The following PWWP3A variants were observed in gnomAD, a reference collection of about 807,000 sequenced individuals.
PWWP3A encodes the protein PWWP domain containing 3A, DNA repair factor.
A neutral mutation model predicts 79.0 loss-of-function variants in PWWP3A; 53 were observed. The ratio of observed to expected loss-of-function variants is 0.67; its 90% CI spans 0.54 to 0.84. The LOEUF (loss-of-function observed/expected upper bound fraction) is 0.84, where lower values mean the gene tolerates loss of function less well. Ranked by LOEUF, PWWP3A falls within the 40% of genes least tolerant of loss-of-function variation. The probability of loss-of-function intolerance (pLI) is 0.00; values close to 1 mark genes in which losing one functional copy is unlikely to be tolerated. For missense variants in PWWP3A, 973 were observed against 948.0 expected (o/e 1.03, Z -0.35); for synonymous variants, 443 against 394.4 (o/e 1.12, Z -1.46).
chr19:1,376,431 G>T, intron 13 of PWWP3A, 88 bp from the exon 14 acceptor site: 2 of 1,349,350 alleles, frequency 1.5e-6, no homozygotes, highest in Admixed American at 3.6e-5. Context: ...TGGGATTACA[G>T]GCGTGAGCGA....
rs1171035958 is a variant in PWWP3A, at chr19:1,370,710, A to T, written c.1618A>T (p.Ser540Cys). ...GTKLPQLSKG[S>C]PEEPVVGCPL... ...CAAGCTTCCTCAACTGAGCAAGGGG[A>T]GCCCCGAGGAGCCCGTGGTGGGGTG... The change falls in exon 12 of 14, where the codon AGC (serine) becomes TGC (cysteine). Residue 540 changes from serine to cysteine, a missense_variant. Coordinates refer to ENST00000591337, the MANE Select transcript of PWWP3A (RefSeq NM_001369789.1). 2 of 1,460,872 alleles carry T rather than the reference A, an allele frequency of 1.4e-6. No individual in the cohort carries two copies. Among genetic ancestry groups the T allele is most frequent in the Non-Finnish European group, 1.8e-6 (2 of 1,104,812 alleles). The allele number at this position is 1,460,872 out of a possible 1,614,324, so 90.5% of individuals were successfully genotyped here. A position where few individuals can be genotyped will look rare whatever the true frequency, so the allele number is the denominator to read the frequency against.
chr19:1,373,227 C>T, intron 13 of PWWP3A, 67 bp downstream of exon 13: 1 of 1,442,516 alleles, frequency 6.9e-7, no homozygotes, highest in Non-Finnish European at 9.6e-7. Flanking sequence ...TTTCCACACC[C>T]ACAGGCAGTT....
In PWWP3A at chr19:1,360,944, C is replaced by T; in HGVS notation, c.1023C>T (p.Ser341=). 2 of 1,499,534 alleles carry T rather than the reference C, an allele frequency of 1.3e-6. No individual in the cohort carries two copies. Among genetic ancestry groups the T allele is most frequent in the South Asian group, 1.3e-5 (1 of 76,720 alleles). The allele number at this position is 1,499,534 out of a possible 1,614,324, so 92.9% of individuals were successfully genotyped here. A position where few individuals can be genotyped will look rare whatever the true frequency, so the allele number is the denominator to read the frequency against. The change falls in exon 5 of 14, where the codon AGC becomes AGT. Residue 341 remains serine (S), a synonymous_variant. Transcript: ENST00000591337. This position sits in a 1 kb window ranked among gnomAD's most constrained non-coding sequence, Gnocchi z 4.4. ...CCAGAGAGTCTGTGACCCCGCGCAG[C>T]ACCGCCAGGCTGGGCCCGCCTCCCT... ...PGPRESVTPR[S]TARLGPPPSH...
intron 7 of PWWP3A, among the ~76,000 whole-genome samples, chr19:1,365,514 G>C (rs1441730560): frequency 6.6e-6 from 1 of 152,282 alleles, no homozygotes; most frequent in African/African-American, 2.4e-5. Context: ...GCATGTGACT[G>C]ATTGTGGTTC....
At chr19:1,364,387 C>A in intron 6 of PWWP3A, 122 bp from the exon 7 acceptor site, 1 of 731,584 alleles carries the variant, frequency 1.4e-6, no homozygotes, top group Non-Finnish European at 2.3e-6. Context: ...GCGAATGACA[C>A]AAAGTCAGGT....
intron 7 of PWWP3A, among the ~76,000 whole-genome samples, chr19:1,365,267 C>T (rs1480207559): frequency 3.3e-5 from 5 of 152,234 alleles, no homozygotes; most frequent in African/African-American, 1.2e-4. Context: ...GTCCAAGTTC[C>T]CGGTGTGGGT....
intron 13 of PWWP3A, among the ~76,000 whole-genome samples, chr19:1,376,184 G>T (rs4459670): frequency 0.4 from 58,550 of 146,558 alleles, 12,624 homozygotes; most frequent in Middle Eastern, 0.54. Context: ...GGAGTACAAT[G>T]GCATGATCTT....
chr19:1,375,324 G>A (rs2668436), intron 13 of PWWP3A, among the ~76,000 whole-genome samples: 3 of 148,350 alleles, frequency 2.0e-5, no homozygotes, highest in Non-Finnish European at 3.0e-5. Flanking sequence ...CTATGCAGCC[G>A]GTACTGCTGC....
rs73920440 is a variant in PWWP3A, at chr19:1,357,655, G to A, written c.143+561G>A. 681 of 152,130 alleles carry A rather than the reference G, an allele frequency of 4.5e-3. 2 individuals are homozygous for A. The highest frequency in any genetic ancestry group is 0.015 in the African/African-American group (623 of 41,236). The allele number at this position is 152,130 out of a possible 1,614,324, so 9.4% of individuals were successfully genotyped here. On this transcript the variant is annotated intron_variant, in intron 3 of 13. Coordinates refer to ENST00000591337, the MANE Select transcript of PWWP3A (RefSeq NM_001369789.1). The stretch of plus-strand genomic sequence containing the variant: ...GGGAAAGGTGTAGATTGTCTAGAAT[G>A]ACAGCAATTCCGACGCCCCAGTCAG...
chr19:1,367,402 T>C (rs2082151909), intron 9 of PWWP3A, among the ~76,000 whole-genome samples, 182 bp downstream of exon 9: 1 of 152,250 alleles, frequency 6.6e-6, no homozygotes, highest in African/African-American at 2.4e-5. Flanking sequence ...GTCACTGCGC[T>C]GAATTCTCAC....
rs886221936 is a variant in PWWP3A at position 1,370,791 on chromosome 19, G to A, written c.1699G>A (p.Ala567Thr). 24 of 1,552,208 alleles carry A rather than the reference G, an allele frequency of 1.5e-5. No homozygotes were observed. Among genetic ancestry groups the A allele is most frequent in the Middle Eastern group, 1.8e-4 (1 of 5,548 alleles). Residue 567 changes from alanine to threonine, a missense_variant, in exon 12 of 14, where the codon GCC (alanine) becomes ACC (threonine). Physicochemically the swap from Ala to Thr is moderately conservative, Grantham distance 58. Coordinates refer to ENST00000591337, the MANE Select transcript of PWWP3A (RefSeq NM_001369789.1). ...RKMLPDRSRAARDRANQKLVE... is the reference protein window; with the variant it reads ...RKMLPDRSRATRDRANQKLVE... ...AATGCTCCCCGACCGCTCGCGGGCCGCCCGGGACCGGGCCAACCAGAAGCT... is the reference window on the plus strand; with the variant it reads ...AATGCTCCCCGACCGCTCGCGGGCCACCCGGGACCGGGCCAACCAGAAGCT...
intron 3 of PWWP3A, 50 bp from the exon 4 acceptor site, chr19:1,358,344 G>A (rs1186315526): frequency 5.4e-6 from 8 of 1,486,332 alleles, no homozygotes; most frequent in East Asian, 2.3e-5. Context: ...GTTTGAAAAT[G>A]TCTTGGCGGC....
In PWWP3A at chr19:1,360,162, C is replaced by G; in HGVS notation, c.241C>G (p.Pro81Ala). Residue 81 changes from proline (P) to alanine (A), a missense_variant, in exon 5 of 14, where the codon CCC becomes GCC. Coordinates refer to ENST00000591337, the MANE Select transcript of PWWP3A (RefSeq NM_001369789.1). This position sits in a 1 kb window ranked among gnomAD's most constrained non-coding sequence, Gnocchi z 4.4. ...LASQNEVPAA[P>A]LEELAYRRSL... The stretch of plus-strand genomic sequence containing the variant: ...CTCACAGAATGAGGTTCCTGCGGCA[C>G]CCCTGGAAGAACTGGCCTACAGACG... 6.3e-7 allele frequency: 1 copy of G among 1,575,656 alleles called. No individual in the cohort carries two copies. Among genetic ancestry groups the G allele is most frequent in the African/African-American group, 1.4e-5 (1 of 73,456 alleles).
intron 13 of PWWP3A, among the ~76,000 whole-genome samples, chr19:1,375,529 T>TTACATATTATATATAAAA (rs2082353223): frequency 8.8e-6 from 1 of 113,496 alleles, no homozygotes; most frequent in African/African-American, 3.5e-5. Flanking sequence ...ATCATATAAT[T>TTACATATTATATATAAAA]TATATATTTT....
At chr19:1,370,482 T>C (rs1045683198) in intron 11 of PWWP3A, among the ~76,000 whole-genome samples, 160 bp from the exon 12 acceptor site, 2 of 152,160 alleles carry the variant, frequency 1.3e-5, no homozygotes. Context: ...AGGAAGTGTC[T>C]TTAGGAGCGT....
At chr19:1,373,225 C>G in intron 13 of PWWP3A, 65 bp downstream of exon 13, 1 of 1,447,988 alleles carries the variant, frequency 6.9e-7, no homozygotes, top group Non-Finnish European at 9.6e-7. Flanking sequence ...TATTTCCACA[C>G]CCACAGGCAG....
At chr19:1,370,493 G>A (rs2082228605) in intron 11 of PWWP3A, 149 bp from the exon 12 acceptor site, 2 of 667,102 alleles carry the variant, frequency 3.0e-6, no homozygotes, top group African/African-American at 1.8e-5. Flanking sequence ...TTAGGAGCGT[G>A]AATGCTCCAC....
rs1194745370 is a variant in PWWP3A, at chr19:1,368,159, A to G, written c.1422+939A>G. Among the ~76,000 whole-genome samples, 1 of 152,110 alleles carries G rather than the reference A, an allele frequency of 6.6e-6. No individual in the cohort carries two copies. The highest frequency in any genetic ancestry group is 2.4e-5 in the African/African-American group (1 of 41,424). Reference sequence around the variant, plus strand: ...AGGTTGGTCTCGAACTCCTGACCTCATGATCCGCCTGCCTCAGCCTCTCAA... The same window carrying G: ...AGGTTGGTCTCGAACTCCTGACCTCGTGATCCGCCTGCCTCAGCCTCTCAA... On this transcript the variant is annotated intron_variant, in intron 9 of 13. Coordinates refer to ENST00000591337, the MANE Select transcript of PWWP3A (RefSeq NM_001369789.1). This position sits in a 1 kb window ranked among gnomAD's most constrained non-coding sequence, Gnocchi z 4.7.
At position 1,368,427 on chromosome 19, in the gene PWWP3A, C is replaced by T. The variant is rs928389470; in HGVS notation, c.1423-838C>T. ...TGGTGGTCCCGAAGCCCACTTGATTCAGTGGTAGTCACCGTGGCTTCTGAG... is the reference window on the plus strand; with the variant it reads ...TGGTGGTCCCGAAGCCCACTTGATTTAGTGGTAGTCACCGTGGCTTCTGAG... On this transcript the variant is annotated intron_variant, in intron 9 of 13. Coordinates refer to ENST00000591337, the MANE Select transcript of PWWP3A (RefSeq NM_001369789.1). This position sits in a 1 kb window ranked among gnomAD's most constrained non-coding sequence, Gnocchi z 4.7. Among the ~76,000 whole-genome samples the T allele has an allele frequency of 1.3e-5, 2 of 152,172 alleles. No individual in the cohort carries two copies. Among genetic ancestry groups the T allele is most frequent in the African/African-American group, 4.8e-5 (2 of 41,440 alleles).
Sources: allele counts gnomAD v4.1 joint callset (sites outside exome capture counted in the v4.1 genomes callset), GRCh38; gene constraint gnomAD v4.1.1; non-coding constraint Gnocchi (gnomAD v3.1); transcripts MANE v1.5; gene names NCBI Gene and HGNC (gene_info 2026-07-23, HGNC 2026-07-21).